The following OR52I2 variants were observed in gnomAD, a reference collection of about 807,000 sequenced individuals.
The protein encoded by OR52I2 is olfactory receptor 52I2.
For missense variants in OR52I2, 350 were observed against 402.4 expected (o/e 0.87, Z 1.11); for synonymous variants, 147 against 151.9 (o/e 0.97, Z 0.24).
At chr11:4,590,558 T>C (rs1391923085) in exon 2 of OR52I2, 2 of 152,240 alleles carry the variant, frequency 1.3e-5, no homozygotes, top group East Asian at 3.8e-4. Context: ...CTTCCAGGGC[T>C]GAGGCCTCAG....
At chr11:4,587,625 T>C (rs1564860439) in exon 2 of OR52I2, 2 of 1,614,110 alleles carry the variant, frequency 1.2e-6, no homozygotes, top group Admixed American at 3.3e-5. Flanking sequence ...TAAGCACATG[T>C]GGCTCCCATG....
At chr11:4,584,963 T>C (rs933950578) in intron 1 of OR52I2, among the ~76,000 whole-genome samples, 1 of 152,188 alleles carries the variant, frequency 6.6e-6, no homozygotes, top group African/African-American at 2.4e-5. Flanking sequence ...TTAGCTACAT[T>C]TTATTGAGCA....
At chr11:4,584,481 T>G (rs970013389) in intron 1 of OR52I2, among the ~76,000 whole-genome samples, 3 of 152,194 alleles carry the variant, frequency 2.0e-5, no homozygotes, top group Admixed American at 2.0e-4. Flanking sequence ...AGTAGCAATT[T>G]AGCCTGAAAA....
chr11:4,585,218 G>C (rs10500606), intron 1 of OR52I2, among the ~76,000 whole-genome samples: 9,826 of 152,148 alleles, frequency 0.065, 365 homozygotes, highest in African/African-American at 0.1. Context: ...GATGATGTAG[G>C]AACAGTACCA....
exon 2 of OR52I2, chr11:4,587,717 A>G (rs1173805665): frequency 2.1e-5 from 34 of 1,614,034 alleles, no homozygotes; most frequent in Non-Finnish European, 2.8e-5. Context: ...GTGCCCTTGC[A>G]CACCCAAGTC....
intron 1 of OR52I2, among the ~76,000 whole-genome samples, chr11:4,582,441 T>TTCA (rs1419625665): frequency 7.9e-6 from 1 of 126,388 alleles, no homozygotes; most frequent in Non-Finnish European, 1.6e-5. Flanking sequence ...TTCATTTTTT[T>TTCA]TTTTTTTTTT....
At chr11:4,585,978 G>A (rs1846297044) in intron 1 of OR52I2, among the ~76,000 whole-genome samples, 1 of 152,082 alleles carries the variant, frequency 6.6e-6, no homozygotes, top group African/African-American at 2.4e-5. Flanking sequence ...CTTGTTGCCT[G>A]GAATGTCTTG....
chr11:4,584,195 C>T (rs910046028), intron 1 of OR52I2, among the ~76,000 whole-genome samples: 8 of 152,174 alleles, frequency 5.3e-5, no homozygotes, highest in Non-Finnish European at 8.8e-5. Flanking sequence ...GGCAAATAAG[C>T]ACACATCATT....
exon 2 of OR52I2, chr11:4,591,658 T>C (rs746495382): frequency 2.0e-5 from 3 of 152,104 alleles, no homozygotes; most frequent in East Asian, 1.9e-4. Context: ...CTGAGAACAA[T>C]AGAAAAAATA....
Position 4,587,557 on chromosome 11 carries a change from A to G in OR52I2, c.667A>G (p.Ile223Val), listed in dbSNP as rs764533680. 5 of 1,613,918 alleles carry G rather than the reference A, an allele frequency of 3.1e-6. No homozygotes were observed. The highest frequency in any genetic ancestry group is 4.2e-6 in the Non-Finnish European group (5 of 1,179,972). ...TGTGGCCTTCATTGCTGCCTCCTAT[A>G]TCTTAATTCTCAAGGCAGTATTTGG... The change falls in exon 2 of 2, where the codon ATC (isoleucine) becomes GTC (valine). Residue 223 changes from isoleucine (I) to valine (V), a missense_variant. Transcript: ENST00000641896.
chr11:4,581,918 G>C (rs1846260767), intron 1 of OR52I2, 54 bp downstream of exon 1: 1 of 152,248 alleles, frequency 6.6e-6, no homozygotes, highest in African/African-American at 2.4e-5. Context: ...CGAATGTTGG[G>C]CTGATGACCT....
chr11:4,583,142 C>T (rs1217688438), intron 1 of OR52I2, among the ~76,000 whole-genome samples: 1 of 151,862 alleles, frequency 6.6e-6, no homozygotes, highest in Admixed American at 6.6e-5. Context: ...TTTTCAGTAG[C>T]AATACATTGA....
exon 2 of OR52I2, chr11:4,587,430 C>G (rs1846314124): frequency 1.2e-6 from 2 of 1,614,040 alleles, no homozygotes; most frequent in African/African-American, 2.7e-5. Flanking sequence ...TGGTTGTCCA[C>G]TCCTACTGTG....
chr11:4,585,816 A>T (rs1392242626), intron 1 of OR52I2, among the ~76,000 whole-genome samples: 1 of 152,240 alleles, frequency 6.6e-6, no homozygotes, highest in Non-Finnish European at 1.5e-5. Flanking sequence ...ATCTCATTTA[A>T]GTTATACAAA....
chr11:4,591,007 T>A (rs955973476), exon 2 of OR52I2: 7 of 152,218 alleles, frequency 4.6e-5, no homozygotes, highest in Non-Finnish European at 7.3e-5. Context: ...CTTGATTTTT[T>A]AAATAAAACT....
At chr11:4,584,050 C>T (rs745323949) in intron 1 of OR52I2, among the ~76,000 whole-genome samples, 3 of 152,120 alleles carry the variant, frequency 2.0e-5, no homozygotes, top group Non-Finnish European at 4.4e-5. Context: ...AGAAGTGATG[C>T]CCCGATGAGA....
At chr11:4,587,749 A>G in exon 2 of OR52I2, 1 of 1,614,136 alleles carries the variant, frequency 6.2e-7, no homozygotes, top group South Asian at 1.1e-5. Context: ...CCTGTACGTG[A>G]TCATCCCAGC....
exon 2 of OR52I2, chr11:4,590,342 A>G (rs55795398): frequency 1.3e-5 from 2 of 152,320 alleles, no homozygotes; most frequent in African/African-American, 4.8e-5. Context: ...ATGGAGATCA[A>G]CGTTAATCTT....
intron 1 of OR52I2, among the ~76,000 whole-genome samples, chr11:4,586,526 A>G (rs752212571): frequency 2.6e-5 from 4 of 152,182 alleles, no homozygotes; most frequent in Non-Finnish European, 5.9e-5. Context: ...AATGCACACA[A>G]TAAAGTCTAG....
Sources: gnomAD v4.1 joint callset for allele counts (sites outside exome capture counted in the v4.1 genomes callset) on GRCh38, gnomAD v4.1.1 for gene constraint, MANE v1.5 for transcripts, NCBI Gene and HGNC (gene_info 2026-07-23, HGNC 2026-07-21) for gene names.